The following ADAMTS16 variants were observed in gnomAD, a reference collection of about 807,000 sequenced individuals.
ADAMTS16 encodes the protein ADAM metallopeptidase with thrombospondin type 1 motif 16.
ADAMTS16 carries 94 observed loss-of-function variants against 145.8 expected under a neutral mutation model. The observed-to-expected ratio is 0.64, with a 90% CI of 0.55 to 0.77. The LOEUF is 0.77. Ranked by LOEUF, ADAMTS16 falls within the 30% of genes least tolerant of loss-of-function variation. The pLI is 0.00. For missense variants in ADAMTS16, 1,585 were observed against 1,591.5 expected, an observed-to-expected ratio of 1.00 and a Z score of 0.07; for synonymous variants, 659 against 604.3, an observed-to-expected ratio of 1.09 and a Z score of -1.33.
At chr5:5,270,301 G>A (rs530272670) in intron 18 of ADAMTS16, among the ~76,000 whole-genome samples, 54 of 152,308 alleles carry the variant, frequency 3.5e-4, no homozygotes, top group African/African-American at 1.3e-3. Context: ...TGGTCTGGTT[G>A]CCATGGGTTA....
chr5:5,140,743 G>C lies in ADAMTS16; in HGVS notation c.152G>C (p.Arg51Pro), dbSNP rs372975792. Residue 51 changes from arginine (R) to proline (P), a missense_variant, in exon 2 of 23, where the codon CGG becomes CCG. Physicochemically the swap from Arg to Pro is moderately radical, Grantham distance 103. Coordinates refer to ENST00000274181, the MANE Select transcript of ADAMTS16 (RefSeq NM_139056.4). ...CCGCGTCCTCCTCCACCCGCGGAGC[G>C]GCCGGGCTGGATGGAAAAGGGCGGT... ...SVPRPPPPAERPGWMEKGEYD... is the reference protein window; with the variant it reads ...SVPRPPPPAEPPGWMEKGEYD... The C allele has an allele frequency of 1.5e-4, 236 of 1,567,020 alleles. No individual in the cohort carries two copies. The African/African-American group carries it at 2.7e-3, about 18-fold the overall frequency.
chr5:5,310,637 T>C lies in ADAMTS16; in HGVS notation c.3411+3909T>C, dbSNP rs546782578. ...GGCAGGCATCGGAGTGGTGCCCATA[T>C]GACAAAGAACACCGAGGACTGCCAG... On this transcript the variant is annotated intron_variant, in intron 21 of 22. Transcript: ENST00000274181. The surrounding 1 kb of genome is among the most constrained non-coding windows in gnomAD (Gnocchi z 4.3). Among the ~76,000 whole-genome samples the C allele has an allele frequency of 7.9e-5, 12 of 152,186 alleles. No homozygotes were observed. Among genetic ancestry groups the C allele is most frequent in the Admixed American group, 7.2e-4 (11 of 15,300 alleles).
At chr5:5,247,257 T>G (rs1397489537) in intron 17 of ADAMTS16, among the ~76,000 whole-genome samples, 1 of 152,164 alleles carries the variant, frequency 6.6e-6, no homozygotes, top group Non-Finnish European at 1.5e-5. Flanking sequence ...TGGTTTCTTC[T>G]TCCCTGCCTT....
chr5:5,236,136 T>C (rs1483614620), intron 13 of ADAMTS16, among the ~76,000 whole-genome samples: 1 of 152,190 alleles, frequency 6.6e-6, no homozygotes, highest in African/African-American at 2.4e-5. Context: ...AGCTCATTAA[T>C]CATGGAAGCA....
At chr5:5,219,117 C>T (rs1044381024) in intron 10 of ADAMTS16, among the ~76,000 whole-genome samples, 4 of 152,078 alleles carry the variant, frequency 2.6e-5, no homozygotes, top group African/African-American at 4.8e-5. Context: ...AGGGACCCCC[C>T]CTTCTCTACT....
At chr5:5,185,051 G>A (rs1019084382) in intron 4 of ADAMTS16, among the ~76,000 whole-genome samples, 5 of 152,144 alleles carry the variant, frequency 3.3e-5, no homozygotes, top group African/African-American at 1.2e-4. Flanking sequence ...CAGACTGCAC[G>A]AGTTACACAG....
chr5:5,144,381 G>C (rs1261397898), intron 2 of ADAMTS16, among the ~76,000 whole-genome samples: 1 of 152,104 alleles, frequency 6.6e-6, no homozygotes, highest in Admixed American at 6.5e-5. Flanking sequence ...GATCAACTTT[G>C]CCTCATGTGG....
chr5:5,230,039 C>G (rs1489364020), intron 11 of ADAMTS16, among the ~76,000 whole-genome samples: 2 of 152,132 alleles, frequency 1.3e-5, no homozygotes, highest in Non-Finnish European at 2.9e-5. Flanking sequence ...ATCAATGGTG[C>G]AATCTTGCCA....
At chr5:5,185,548 T>G (rs1410876579) in intron 4 of ADAMTS16, among the ~76,000 whole-genome samples, 1 of 152,234 alleles carries the variant, frequency 6.6e-6, no homozygotes, top group African/African-American at 2.4e-5. Context: ...AAGCATTTTA[T>G]AATCTATTGG....
chr5:5,205,460 A>G (rs1359220748), intron 9 of ADAMTS16, among the ~76,000 whole-genome samples: 1 of 152,178 alleles, frequency 6.6e-6, no homozygotes, highest in Admixed American at 6.5e-5. Flanking sequence ...CATTTTATCC[A>G]TGTGGTTATT....
chr5:5,156,695 G>C (rs1328918228), intron 3 of ADAMTS16, among the ~76,000 whole-genome samples: 1 of 152,200 alleles, frequency 6.6e-6, no homozygotes, highest in Admixed American at 6.5e-5. Flanking sequence ...TAGGCTTGGG[G>C]GTTGTATTTC....
At chr5:5,257,286 A>G (rs1038762596) in intron 17 of ADAMTS16, among the ~76,000 whole-genome samples, 7 of 152,232 alleles carry the variant, frequency 4.6e-5, no homozygotes, top group African/African-American at 1.7e-4. Flanking sequence ...GTCCAAGCTT[A>G]TATAACAGAA....
At chr5:5,168,661 AT>A (rs1734959387) in intron 3 of ADAMTS16, among the ~76,000 whole-genome samples, 1 of 107,644 alleles carries the variant, frequency 9.3e-6, no homozygotes, top group Non-Finnish European at 1.8e-5. Context: ...TATATATTAT[AT>A]TTATATAATA....
chr5:5,252,726 T>A (rs180970237), intron 17 of ADAMTS16, among the ~76,000 whole-genome samples: 2 of 152,250 alleles, frequency 1.3e-5, no homozygotes, highest in East Asian at 3.9e-4. Flanking sequence ...CTGCAATAGG[T>A]TCCATATGTT....
intron 18 of ADAMTS16, among the ~76,000 whole-genome samples, chr5:5,278,282 C>T (rs7341035): frequency 0.6 from 90,649 of 152,044 alleles, 27,569 homozygotes; most frequent in Middle Eastern, 0.71. Context: ...TTGGAAATAA[C>T]ATGCATGATA....
At chr5:5,149,703 C>G (rs535797103) in intron 3 of ADAMTS16, among the ~76,000 whole-genome samples, 8 of 152,178 alleles carry the variant, frequency 5.3e-5, no homozygotes, top group South Asian at 4.2e-4. Context: ...AAAAATAAAC[C>G]CTTATGGGCA....
intron 13 of ADAMTS16, among the ~76,000 whole-genome samples, chr5:5,235,970 C>T (rs905928026): frequency 1.3e-5 from 2 of 152,120 alleles, no homozygotes; most frequent in Non-Finnish European, 2.9e-5. Context: ...AGCAATTTCC[C>T]GGAAGCATGT....
At chr5:5,210,703 T>A (rs1736251637) in intron 10 of ADAMTS16, among the ~76,000 whole-genome samples, 1 of 152,210 alleles carries the variant, frequency 6.6e-6, no homozygotes, top group Admixed American at 6.5e-5. Flanking sequence ...TAGCTGCTGG[T>A]TTTTATACAG....
Position 5,237,212 on chromosome 5 carries a change from G to A in ADAMTS16, c.2154+113G>A, listed in dbSNP as rs1292739125. 9 of 1,161,832 alleles carry A rather than the reference G, an allele frequency of 7.7e-6. No individual in the cohort carries two copies. The African/African-American group carries it at 1.2e-4, about 16-fold the overall frequency. The allele number at this position is 1,161,832 out of a possible 1,614,324, so 72.0% of individuals were successfully genotyped here. On this transcript the variant is annotated intron_variant, in intron 14 of 22. Transcript: ENST00000274181. The stretch of plus-strand genomic sequence containing the variant: ...ATATGAGACAAGCCTTTCCCTCTAA[G>A]TTGCAGCCCAGTGGGGAGAAAGCCA...
Sources: allele counts gnomAD v4.1 joint callset (sites outside exome capture counted in the v4.1 genomes callset), GRCh38; gene constraint gnomAD v4.1.1; non-coding constraint Gnocchi (gnomAD v3.1); transcripts MANE v1.5; gene names NCBI Gene and HGNC (gene_info 2026-07-23, HGNC 2026-07-21).